The following HECW1 variants were observed in gnomAD, a reference collection of about 807,000 sequenced individuals.
HECW1 encodes HECT, C2 and WW domain containing E3 ubiquitin protein ligase 1.
In HECW1, 61 loss-of-function variants were observed where a neutral mutation model predicts 182.3. The observed-to-expected ratio is 0.33, with a 90% confidence interval of 0.27 to 0.41. HECW1 has a LOEUF of 0.41. HECW1 is among the 10% of genes least tolerant of loss of function. The pLI, the probability that HECW1 is intolerant of heterozygous loss-of-function variation, is 1.00. For missense variants in HECW1, 1,739 were observed against 2,108.9 expected, an observed-to-expected ratio of 0.82 and a Z score of 3.44; for synonymous variants, 859 against 832.6, an observed-to-expected ratio of 1.03 and a Z score of -0.55.
chr7:43,116,068 C>A (rs1179897067), intron 2 of HECW1, among the ~76,000 whole-genome samples: 1 of 152,122 alleles, frequency 6.6e-6, no homozygotes, highest in Non-Finnish European at 1.5e-5. Flanking sequence ...AGGTAGGAAT[C>A]CTTCACTTTG....
chr7:43,507,453 G>A (rs1328956663), intron 22 of HECW1, among the ~76,000 whole-genome samples, 196 bp downstream of exon 22: 1 of 152,174 alleles, frequency 6.6e-6, no homozygotes, highest in Non-Finnish European at 1.5e-5. Context: ...AGGGAAGCAG[G>A]AAGAGAAGGT....
chr7:43,118,424 G>C (rs1036106994), intron 2 of HECW1: 2 of 152,586 alleles, frequency 1.3e-5, no homozygotes, highest in Non-Finnish European at 2.9e-5. Context: ...TCTAGGTTAA[G>C]GGGGGAAAAG....
At chr7:43,231,744 C>T (rs754421597) in intron 2 of HECW1, among the ~76,000 whole-genome samples, 12 of 151,822 alleles carry the variant, frequency 7.9e-5, no homozygotes, top group East Asian at 1.9e-4. Flanking sequence ...GGGCCAGGCG[C>T]GGTGGCTCAC....
intron 29 of HECW1, among the ~76,000 whole-genome samples, chr7:43,557,536 G>C (rs2152963666): frequency 6.6e-6 from 1 of 152,336 alleles, no homozygotes; most frequent in East Asian, 1.9e-4. Context: ...CTGGAGTTGA[G>C]GTCAAGGAAC....
At chr7:43,307,187 C>A (rs887287924) in intron 3 of HECW1, among the ~76,000 whole-genome samples, 1 of 151,978 alleles carries the variant, frequency 6.6e-6, no homozygotes, top group East Asian at 1.9e-4. Context: ...TTTTTTCAAG[C>A]GTCAACTAAA....
At chr7:43,349,056 C>T (rs1447742040) in intron 5 of HECW1, among the ~76,000 whole-genome samples, 6 of 151,332 alleles carry the variant, frequency 4.0e-5, no homozygotes, top group East Asian at 1.9e-4. Flanking sequence ...TTTTTTGAGA[C>T]GGAATTTTGC....
chr7:43,501,244 C>T lies in HECW1; in HGVS notation c.3553C>T (p.Pro1185Ser), dbSNP rs2079346933. The T allele has an allele frequency of 6.2e-7, 1 of 1,600,018 alleles. No homozygotes were observed. Among genetic ancestry groups the T allele is most frequent in the Non-Finnish European group, 8.5e-7 (1 of 1,169,630 alleles). Residue 1185 changes from proline to serine, a missense_variant, in exon 21 of 30, where the codon CCC (proline) becomes TCC (serine). Around this residue, in one of 5 missense-constraint regions of HECW1, gnomAD observed 420 missense variants for 595.7 expected, o/e 0.71. Coordinates refer to ENST00000395891, the MANE Select transcript of HECW1 (RefSeq NM_015052.5). The part of the protein sequence containing the change: ...LFEEEIMSYV[P>S]LQAAFHPGYS... ...TGAAGAAGAGATTATGTCCTACGTC[C>T]CCCTGCAGGCTGCCTTCCACCCTGG... is the stretch of plus-strand genomic sequence containing the variant.
intron 6 of HECW1, among the ~76,000 whole-genome samples, chr7:43,386,107 T>A (rs2074785101): frequency 6.6e-6 from 1 of 152,108 alleles, no homozygotes; most frequent in South Asian, 2.1e-4. Context: ...TACCACGTGG[T>A]CCCCTCCATC....
At chr7:43,518,871 A>G (rs750391794) in intron 24 of HECW1, among the ~76,000 whole-genome samples, 3 of 152,192 alleles carry the variant, frequency 2.0e-5, no homozygotes, top group Non-Finnish European at 2.9e-5. Flanking sequence ...TTTGGAGGGG[A>G]CATAAGTAAA....
intron 3 of HECW1, among the ~76,000 whole-genome samples, chr7:43,296,293 T>G (rs899597436): frequency 1.3e-5 from 2 of 152,236 alleles, no homozygotes; most frequent in Non-Finnish European, 2.9e-5. Context: ...TGCTGTTTTT[T>G]CTTAATTTTC....
chr7:43,316,778 CCCTCCCCTCCTCTCCTCT>C (rs1809353135), intron 4 of HECW1, among the ~76,000 whole-genome samples: 1 of 101,224 alleles, frequency 9.9e-6, no homozygotes, highest in Non-Finnish European at 2.0e-5. Flanking sequence ...TTCTCTCCTC[CCCTCCCCTCCTCTCCTCT>C]CCTCTCCCGT....
intron 3 of HECW1, among the ~76,000 whole-genome samples, chr7:43,283,131 A>AAG (rs1554339724): frequency 1.3e-5 from 2 of 152,068 alleles, no homozygotes; most frequent in Non-Finnish European, 2.9e-5. Flanking sequence ...TCCAAAAAAA[A>AAG]AAAGAAAGAA....
At chr7:43,306,346 C>G (rs1373065285) in intron 3 of HECW1, among the ~76,000 whole-genome samples, 1 of 151,378 alleles carries the variant, frequency 6.6e-6, no homozygotes, top group African/African-American at 2.4e-5. Flanking sequence ...TGTAAATTTT[C>G]TCAAATCCTT....
chr7:43,276,612 C>A (rs1028132708), intron 3 of HECW1, among the ~76,000 whole-genome samples: 2 of 152,044 alleles, frequency 1.3e-5, no homozygotes, highest in African/African-American at 4.8e-5. Context: ...ATAAAATGTG[C>A]CTTATTTATT....
At chr7:43,306,573 A>G (rs1807598898) in intron 3 of HECW1, among the ~76,000 whole-genome samples, 1 of 152,188 alleles carries the variant, frequency 6.6e-6, no homozygotes, top group Admixed American at 6.5e-5. Flanking sequence ...AGCTTCCTTC[A>G]AGGGCTGTGT....
chr7:43,457,092 G>A (rs764426773), intron 13 of HECW1, among the ~76,000 whole-genome samples: 3 of 152,198 alleles, frequency 2.0e-5, no homozygotes, highest in Admixed American at 6.5e-5. Context: ...TATTGAAATT[G>A]TAAAGATGTC....
At chr7:43,304,336 C>T (rs939671761) in intron 3 of HECW1, among the ~76,000 whole-genome samples, 4 of 152,110 alleles carry the variant, frequency 2.6e-5, no homozygotes, top group Admixed American at 2.0e-4. Flanking sequence ...GAACTCAATT[C>T]GAGCAATTCT....
intron 17 of HECW1, chr7:43,484,755 A>G (rs1030257444): frequency 3.3e-5 from 5 of 152,220 alleles, no homozygotes; most frequent in African/African-American, 7.2e-5. Context: ...TATTACGAAT[A>G]TAGGATTTAT....
At chr7:43,162,431 A>C (rs765911048) in intron 2 of HECW1, among the ~76,000 whole-genome samples, 5 of 152,076 alleles carry the variant, frequency 3.3e-5, no homozygotes, top group African/African-American at 1.2e-4. Flanking sequence ...TCCAACCTCC[A>C]TCTCCATGGT....
Sources: gnomAD v4.1 joint callset for allele counts (sites outside exome capture counted in the v4.1 genomes callset) on GRCh38, gnomAD v4.1.1 for gene constraint, gnomAD v4.1.1 regional missense constraint, MANE v1.5 for transcripts, NCBI Gene and HGNC (gene_info 2026-07-23, HGNC 2026-07-21) for gene names.